CNBD1: variants seen among roughly 807,000 people sequenced by gnomAD.
CNBD1 encodes the protein cyclic nucleotide binding domain containing 1.
Under a neutral mutation model 54.4 loss-of-function variants are expected in CNBD1, and 71 were observed. The ratio of observed to expected loss-of-function variants is 1.30; its 90% confidence interval spans 1.08 to 1.59. The LOEUF is 1.59. Among genes scored for constraint, CNBD1 ranks in the 40% most tolerant of loss-of-function variants. The pLI, the probability that CNBD1 is intolerant of heterozygous loss-of-function variation, is 0.00. For synonymous variants in CNBD1, 182 were observed against 170.7 expected (o/e 1.07, Z -0.51); for missense variants, 659 against 518.0 (o/e 1.27, Z -2.64).
chr8:87,245,371 A>G (rs1262960552), intron 6 of CNBD1, among the ~76,000 whole-genome samples: 1 of 152,084 alleles, frequency 6.6e-6, no homozygotes, highest in Non-Finnish European at 1.5e-5. Context: ...CTTTTTTAAT[A>G]ACATCATAAA....
intron 4 of CNBD1, among the ~76,000 whole-genome samples, chr8:87,033,525 C>T (rs570382080): frequency 6.6e-6 from 1 of 152,282 alleles, no homozygotes; most frequent in East Asian, 1.9e-4. Context: ...CTTTTCCCCT[C>T]AGGGATCAGA....
At chr8:86,890,599 C>T (rs912842608) in intron 2 of CNBD1, among the ~76,000 whole-genome samples, 2 of 151,980 alleles carry the variant, frequency 1.3e-5, no homozygotes, top group Non-Finnish European at 2.9e-5. Flanking sequence ...TGGATACATA[C>T]CCAGAAGTGA....
intron 4 of CNBD1, among the ~76,000 whole-genome samples, chr8:87,187,828 T>G (rs2130783116): frequency 6.6e-6 from 1 of 152,334 alleles, no homozygotes; most frequent in East Asian, 1.9e-4. Flanking sequence ...TACAATACCC[T>G]AATCCATCCT....
intron 4 of CNBD1, among the ~76,000 whole-genome samples, chr8:86,976,173 G>T (rs1474921075): frequency 7.6e-6 from 1 of 130,876 alleles, no homozygotes; most frequent in African/African-American, 2.8e-5. Flanking sequence ...TCAGTCTGTG[G>T]GTTGTGCATT....
chr8:87,391,151 A>C (rs1249843360), intron 2 of CNBD1, among the ~76,000 whole-genome samples: 1 of 152,062 alleles, frequency 6.6e-6, no homozygotes, highest in African/African-American at 2.4e-5. Flanking sequence ...AAATGAAGAG[A>C]TAATTGGTGC....
Position 87,163,770 on chromosome 8 carries a change from A to G in CNBD1, c.432-42223A>G, listed in dbSNP as rs1812906266. The stretch of plus-strand genomic sequence containing the variant: ...ATGTCATCTGCAAAAAGATAATTTT[A>G]CTTTCTTATTTGGATGTCTTTAATT... On this transcript the variant is annotated intron_variant, in intron 4 of 10. Coordinates refer to ENST00000518476, the MANE Select transcript of CNBD1 (RefSeq NM_173538.3). This position sits in a 1 kb window ranked among gnomAD's most constrained non-coding sequence, Gnocchi z 4.5. Among the ~76,000 whole-genome samples the G allele has an allele frequency of 1.3e-5, 2 of 151,670 alleles. No individual in the cohort carries two copies.
At chr8:87,055,754 C>T (rs969125598) in intron 4 of CNBD1, among the ~76,000 whole-genome samples, 6 of 150,948 alleles carry the variant, frequency 4.0e-5, no homozygotes, top group African/African-American at 1.5e-4. Flanking sequence ...TTCCTTTTCT[C>T]CTTCCTTCTA....
intron 2 of CNBD1, among the ~76,000 whole-genome samples, chr8:86,902,422 A>G (rs1205635240): frequency 3.3e-5 from 5 of 152,110 alleles, no homozygotes; most frequent in Admixed American, 6.6e-5. Context: ...ACTTCTTTTA[A>G]TACATGAGAA....
rs1563526052 is a variant in CNBD1, at chr8:87,256,002, TA to T, written c.771+18891del. On this transcript the variant is annotated intron_variant, in intron 6 of 10. Transcript: ENST00000518476. ...ATATATATATATATATATATATATA[TA>T]TATATATATATATTTTTTTTTTTTT... Among the ~76,000 whole-genome samples the T allele has an allele frequency of 1.2e-3, 22 of 17,754 alleles. 1 individual carries two copies. Among genetic ancestry groups the T allele is most frequent in the African/African-American group, 5.4e-3 (20 of 3,714 alleles). The allele number at this position is 17,754 out of a possible 152,430, so 11.6% of individuals were successfully genotyped here.
At chr8:87,069,817 T>G (rs1810724699) in intron 4 of CNBD1, among the ~76,000 whole-genome samples, 3 of 152,110 alleles carry the variant, frequency 2.0e-5, no homozygotes, top group Admixed American at 2.0e-4. Flanking sequence ...ATTTACCTTT[T>G]TACAATTTAA....
At chr8:87,390,013 A>C (rs991244167) in intron 2 of CNBD1, among the ~76,000 whole-genome samples, 4 of 151,458 alleles carry the variant, frequency 2.6e-5, no homozygotes, top group African/African-American at 9.7e-5. Flanking sequence ...TTCCCTATTT[A>C]ATAAATGGTG....
chr8:87,199,677 A>C (rs1813811422), intron 4 of CNBD1, among the ~76,000 whole-genome samples: 1 of 152,192 alleles, frequency 6.6e-6, no homozygotes, highest in Non-Finnish European at 1.5e-5. Flanking sequence ...CCTTTTGACA[A>C]ATAACTTTCT....
At chr8:87,235,007 T>C (rs1262234679) in intron 5 of CNBD1, among the ~76,000 whole-genome samples, 1 of 152,218 alleles carries the variant, frequency 6.6e-6, no homozygotes, top group African/African-American at 2.4e-5. Flanking sequence ...CTGTTTCACC[T>C]TGCACTTTAT....
At chr8:87,144,808 G>A (rs796316722) in intron 4 of CNBD1, among the ~76,000 whole-genome samples, 10 of 122,110 alleles carry the variant, frequency 8.2e-5, no homozygotes, top group East Asian at 7.1e-4. Context: ...CAAGGAGAGC[G>A]AAACTATGCC....
At chr8:87,143,050 G>A (rs893940019) in intron 4 of CNBD1, among the ~76,000 whole-genome samples, 1 of 152,058 alleles carries the variant, frequency 6.6e-6, no homozygotes, top group East Asian at 1.9e-4. Flanking sequence ...AAGTCAAACC[G>A]TTTAATTACT....
intron 8 of CNBD1, among the ~76,000 whole-genome samples, chr8:87,331,881 A>G (rs1045442743): frequency 1.3e-5 from 2 of 152,132 alleles, no homozygotes; most frequent in Non-Finnish European, 2.9e-5. Flanking sequence ...GTGTCTGTTC[A>G]TATCATTTAC....
intron 2 of CNBD1, among the ~76,000 whole-genome samples, chr8:86,894,543 A>G (rs1312261588): frequency 6.6e-6 from 1 of 152,166 alleles, no homozygotes; most frequent in Non-Finnish European, 1.5e-5. Context: ...GCCCATTTAC[A>G]TTAGGAATTA....
chr8:87,090,044 T>C (rs971288384), intron 4 of CNBD1, among the ~76,000 whole-genome samples: 2 of 152,098 alleles, frequency 1.3e-5, no homozygotes, highest in Non-Finnish European at 2.9e-5. Flanking sequence ...TTTTAATTAC[T>C]TAGTTCTTCT....
chr8:87,233,043 T>C (rs1436492030), intron 5 of CNBD1, among the ~76,000 whole-genome samples: 1 of 152,192 alleles, frequency 6.6e-6, no homozygotes, highest in Non-Finnish European at 1.5e-5. Flanking sequence ...TTGGTAAAAT[T>C]TGGTTATGTA....
Sources: gnomAD v4.1 joint callset for allele counts (sites outside exome capture counted in the v4.1 genomes callset) on GRCh38, gnomAD v4.1.1 for gene constraint, Gnocchi (gnomAD v3.1) non-coding constraint, MANE v1.5 for transcripts, NCBI Gene and HGNC (gene_info 2026-07-23, HGNC 2026-07-21) for gene names.